SLC1A3: variants seen among roughly 807,000 people sequenced by gnomAD.
SLC1A3 encodes the protein solute carrier family 1 member 3, also known as excitatory amino acid transporter 1.
SLC1A3 carries 21 observed loss-of-function variants against 48.1 expected under a neutral mutation model. The ratio of observed to expected loss-of-function variants is 0.44; its 90% CI spans 0.31 to 0.63. The LOEUF is 0.63. Ranked by LOEUF, SLC1A3 falls within the 20% of genes least tolerant of loss-of-function variation. The pLI is 0.08. For synonymous variants in SLC1A3, 239 were observed against 251.4 expected, an observed-to-expected ratio of 0.95 and a Z score of 0.47; for missense variants, 546 against 689.0, an observed-to-expected ratio of 0.79 and a Z score of 2.32.
intron 1 of SLC1A3, among the ~76,000 whole-genome samples, chr5:36,599,285 C>T (rs1340232683): frequency 6.6e-6 from 1 of 152,166 alleles, no homozygotes; most frequent in Non-Finnish European, 1.5e-5. Context: ...AGTGCCAACT[C>T]TAGACTCTGG....
intron 3 of SLC1A3, among the ~76,000 whole-genome samples, chr5:36,640,280 A>AT (rs1442067405): frequency 1.3e-5 from 2 of 152,172 alleles, no homozygotes; most frequent in African/African-American, 4.8e-5. Flanking sequence ...CTGCAAATTC[A>AT]TTTTACCAGG....
Position 36,671,134 on chromosome 5 carries a change from T to C in SLC1A3, c.425T>C (p.Val142Ala). The change falls in exon 4 of 10, where the codon GTC becomes GCC. Residue 142 changes from valine to alanine, a missense_variant. Transcript: ENST00000265113. ...IIAVVIGIIIVIIIHPGKGTK... is the reference protein window; with the variant it reads ...IIAVVIGIIIAIIIHPGKGTK... Reference sequence around the variant, plus strand: ...GCTGTGGTGATTGGCATAATCATTGTCATCATCATCCATCCTGGGAAGGGC... The same window carrying C: ...GCTGTGGTGATTGGCATAATCATTGCCATCATCATCCATCCTGGGAAGGGC... The C allele has an allele frequency of 6.2e-7, 1 of 1,613,780 alleles. No individual in the cohort carries two copies. The highest frequency in any genetic ancestry group is 8.5e-7 in the Non-Finnish European group (1 of 1,179,658).
Position 36,636,687 on chromosome 5 carries a change from G to T in SLC1A3, c.319+7100G>T, listed in dbSNP as rs577342618. Among the ~76,000 whole-genome samples the T allele has an allele frequency of 2.7e-5, 4 of 148,806 alleles. No individual in the cohort carries two copies. In the South Asian group the frequency reaches 8.4e-4, roughly 31 times the overall value. On this transcript the variant is annotated intron_variant, in intron 3 of 9. Coordinates refer to ENST00000265113, the MANE Select transcript of SLC1A3 (RefSeq NM_004172.5). ...CAGAAAGAACCAGAGGTGGGGCCCT[G>T]TGAAATTCCCAAGAAAAGTCAACCT...
At position 36,660,923 on chromosome 5, in the gene SLC1A3, A is replaced by T. The variant is rs113196286; in HGVS notation, c.320-10106A>T. Among the ~76,000 whole-genome samples, 257 of 151,970 alleles carry T rather than the reference A, an allele frequency of 1.7e-3. 5 individuals are homozygous for T. The highest frequency in any genetic ancestry group is 5.9e-3 in the African/African-American group (243 of 41,442). Reference sequence around the variant, plus strand: ...TTTCTCATCTCCCTTCCTTTTCTCTACGTTTTCTCTTTTCTCTTTCTCCTC... The same window carrying T: ...TTTCTCATCTCCCTTCCTTTTCTCTTCGTTTTCTCTTTTCTCTTTCTCCTC... On this transcript the variant is annotated intron_variant, in intron 3 of 9. Coordinates refer to ENST00000265113, the MANE Select transcript of SLC1A3 (RefSeq NM_004172.5).
At chr5:36,643,790 C>A (rs2111818065) in intron 3 of SLC1A3, among the ~76,000 whole-genome samples, 1 of 152,100 alleles carries the variant, frequency 6.6e-6, no homozygotes, top group Middle Eastern at 3.4e-3. Context: ...GTCAAGAGTT[C>A]GAGACCAGCC....
At chr5:36,605,273 TAG>T (rs1738887136), upstream of SLC1A3, among the ~76,000 whole-genome samples, 1 of 152,154 alleles carries the variant, frequency 6.6e-6, no homozygotes, top group Non-Finnish European at 1.5e-5. Context: ...CAATGTAGTA[TAG>T]ATGCTCAGTG....
At chr5:36,660,469 A>T (rs1018531614) in intron 3 of SLC1A3, among the ~76,000 whole-genome samples, 1 of 152,232 alleles carries the variant, frequency 6.6e-6, no homozygotes, top group Non-Finnish European at 1.5e-5. Flanking sequence ...CTAGAGAAGG[A>T]AGAAAGCTAC....
At chr5:36,664,655 A>G (rs774703471) in intron 3 of SLC1A3, among the ~76,000 whole-genome samples, 1 of 152,196 alleles carries the variant, frequency 6.6e-6, no homozygotes, top group Non-Finnish European at 1.5e-5. Context: ...CACTTTGATT[A>G]ATTGATGAAA....
intron 3 of SLC1A3, among the ~76,000 whole-genome samples, chr5:36,651,143 A>G (rs1426543384): frequency 0.24 from 691 of 2,826 alleles, 6 homozygotes; most frequent in African/African-American, 0.35. Flanking sequence ...GTTTTTTTTA[A>G]AAAAAAAAAA....
chr5:36,610,199 T>C (rs915191058), intron 2 of SLC1A3, among the ~76,000 whole-genome samples: 2 of 152,336 alleles, frequency 1.3e-5, no homozygotes, highest in African/African-American at 4.8e-5. Context: ...ATTCTTCCTC[T>C]GCTCTGCTGC....
At chr5:36,638,103 TTCC>T (rs1740466316) in intron 3 of SLC1A3, among the ~76,000 whole-genome samples, 1 of 152,162 alleles carries the variant, frequency 6.6e-6, no homozygotes, top group African/African-American at 2.4e-5. Flanking sequence ...TTCCCTGGCT[TTCC>T]CCTGCTAATA....
chr5:36,624,029 T>A (rs931506472), intron 2 of SLC1A3, among the ~76,000 whole-genome samples: 1 of 152,182 alleles, frequency 6.6e-6, no homozygotes, highest in Admixed American at 6.6e-5. Flanking sequence ...TAGAACTGCC[T>A]ACCAAGATAA....
chr5:36,675,252 T>TG (rs552999887), intron 5 of SLC1A3, among the ~76,000 whole-genome samples: 1 of 149,440 alleles, frequency 6.7e-6, no homozygotes, highest in Non-Finnish European at 1.5e-5. Context: ...ATTCTTTCTT[T>TG]AAAAAAAAAA....
chr5:36,626,136 G>A (rs918394309), intron 2 of SLC1A3, among the ~76,000 whole-genome samples: 1 of 152,138 alleles, frequency 6.6e-6, no homozygotes, highest in Non-Finnish European at 1.5e-5. Context: ...GAAGAGGAGA[G>A]AAGGTAGTAG....
chr5:36,613,026 G>T, intron 2 of SLC1A3: 1 of 347,622 alleles, frequency 2.9e-6, no homozygotes, highest in South Asian at 2.2e-5. Context: ...GGTTTAGGTG[G>T]CAGAGTGGCT....
intron 8 of SLC1A3, among the ~76,000 whole-genome samples, chr5:36,682,693 G>A (rs990740106): frequency 5.9e-5 from 9 of 152,142 alleles, no homozygotes; most frequent in African/African-American, 2.2e-4. Flanking sequence ...CAGGTGGTCC[G>A]GGATGACTCA....
chr5:36,674,934 AAGATAAAAGCTCACT>A (rs532124820), intron 5 of SLC1A3, among the ~76,000 whole-genome samples: 1 of 152,330 alleles, frequency 6.6e-6, no homozygotes, highest in Admixed American at 6.5e-5. Flanking sequence ...TTACCATTAG[AAGATAAAAGCTCACT>A]TTAACCTCAC....
intron 3 of SLC1A3, among the ~76,000 whole-genome samples, chr5:36,665,627 A>G (rs546886857): frequency 3.8e-4 from 58 of 152,348 alleles, no homozygotes; most frequent in Non-Finnish European, 6.3e-4. Flanking sequence ...CGTGCTGAAC[A>G]CTACTTTAAG....
At chr5:36,598,352 G>T (rs796171933) in intron 1 of SLC1A3, among the ~76,000 whole-genome samples, 3 of 152,270 alleles carry the variant, frequency 2.0e-5, no homozygotes, top group African/African-American at 4.8e-5. Flanking sequence ...TTTTCAAAAA[G>T]ACTTAATAAG....
Sources: gnomAD v4.1 joint callset for allele counts (sites outside exome capture counted in the v4.1 genomes callset) on GRCh38, gnomAD v4.1.1 for gene constraint, MANE v1.5 for transcripts, NCBI Gene and HGNC (gene_info 2026-07-23, HGNC 2026-07-21) for gene names.